Variants in CDH12 observed in about 807,000 individuals in gnomAD.
CDH12 encodes cadherin-12.
In CDH12, 41 loss-of-function variants were observed where a neutral mutation model predicts 74.1. The observed-to-expected ratio is 0.55, with a 90% CI of 0.43 to 0.72. The LOEUF (loss-of-function observed/expected upper bound fraction) is 0.72, where lower values mean the gene tolerates loss of function less well. CDH12 is among the 30% of genes least tolerant of loss of function. The probability of loss-of-function intolerance (pLI) is 0.00; values close to 1 mark genes in which losing one functional copy is unlikely to be tolerated. For synonymous variants in CDH12, 399 were observed against 355.0 expected (o/e 1.12, Z -1.39); for missense variants, 945 against 977.2 (o/e 0.97, Z 0.44).
intron 4 of CDH12, among the ~76,000 whole-genome samples, chr5:22,117,458 T>TTATATATATTA (rs1745193056): frequency 7.9e-5 from 6 of 75,480 alleles, no homozygotes; most frequent in African/African-American, 3.2e-4. Flanking sequence ...AATATATATA[T>TTATATATATTA]TATATATATA....
At chr5:21,988,000 C>T (rs1487756998) in intron 5 of CDH12, among the ~76,000 whole-genome samples, 1 of 151,974 alleles carries the variant, frequency 6.6e-6, no homozygotes, top group Non-Finnish European at 1.5e-5. Context: ...AAAAAAAATA[C>T]ACCATACAGG....
At chr5:22,391,664 T>A (rs1043947617) in intron 3 of CDH12, among the ~76,000 whole-genome samples, 1 of 152,128 alleles carries the variant, frequency 6.6e-6, no homozygotes, top group Non-Finnish European at 1.5e-5. Flanking sequence ...TTTTTTTTTA[T>A]GACTGATAAA....
chr5:21,835,625 T>C (rs1488082548), intron 8 of CDH12, among the ~76,000 whole-genome samples: 1 of 151,850 alleles, frequency 6.6e-6, no homozygotes, highest in Non-Finnish European at 1.5e-5. Flanking sequence ...AGTTTAAGAA[T>C]GCCAAATAGT....
chr5:22,372,679 G>C (rs1334655152), intron 3 of CDH12, among the ~76,000 whole-genome samples: 1 of 152,094 alleles, frequency 6.6e-6, no homozygotes, highest in Non-Finnish European at 1.5e-5. Context: ...GTGGCACCCA[G>C]ACACAGAGAA....
intron 6 of CDH12, chr5:21,889,923 G>T: frequency 1.2e-6 from 1 of 837,582 alleles, no homozygotes; most frequent in Non-Finnish European, 1.4e-6. Flanking sequence ...GACTTTTATT[G>T]CTTACAGAAT....
At chr5:22,202,195 C>T (rs1429575498) in intron 4 of CDH12, among the ~76,000 whole-genome samples, 20 of 121,848 alleles carry the variant, frequency 1.6e-4, no homozygotes, top group African/African-American at 5.8e-4. Flanking sequence ...TCCTTCCTTC[C>T]TTCCTTCTTT....
At chr5:22,725,836 T>C (rs1342864055) in intron 1 of CDH12, among the ~76,000 whole-genome samples, 2 of 151,804 alleles carry the variant, frequency 1.3e-5, no homozygotes, top group African/African-American at 2.4e-5. Context: ...TTGAGGTCCA[T>C]AGAATTTTAT....
intron 2 of CDH12, among the ~76,000 whole-genome samples, chr5:22,489,172 C>T (rs1234479118): frequency 2.0e-5 from 3 of 150,238 alleles, no homozygotes; most frequent in East Asian, 4.0e-4. Context: ...ATTCTCCTGC[C>T]TCAGCCTCCT....
At chr5:22,142,784 C>CT (rs1230092708) in intron 4 of CDH12, 5 of 243,762 alleles carry the variant, frequency 2.1e-5, no homozygotes, top group Admixed American at 5.3e-5. Flanking sequence ...ATCCATTCTT[C>CT]TTTTTTCTTA....
At chr5:22,201,805 T>C (rs1216278444) in intron 4 of CDH12, among the ~76,000 whole-genome samples, 3 of 152,166 alleles carry the variant, frequency 2.0e-5, no homozygotes, top group Non-Finnish European at 2.9e-5. Flanking sequence ...TATATGGCAT[T>C]ATCTTGTGTA....
At chr5:21,918,896 T>C (rs1056484667) in intron 6 of CDH12, among the ~76,000 whole-genome samples, 1 of 152,198 alleles carries the variant, frequency 6.6e-6, no homozygotes, top group African/African-American at 2.4e-5. Flanking sequence ...TTCCTTATTA[T>C]CAATATCTCT....
intron 1 of CDH12, among the ~76,000 whole-genome samples, chr5:22,748,109 G>T (rs1745384935): frequency 6.6e-6 from 1 of 152,074 alleles, no homozygotes; most frequent in African/African-American, 2.4e-5. Flanking sequence ...TATTTGAAAG[G>T]TATATTTAAA....
At chr5:21,830,672 C>T (rs1561221663) in intron 8 of CDH12, among the ~76,000 whole-genome samples, 2 of 152,052 alleles carry the variant, frequency 1.3e-5, no homozygotes, top group African/African-American at 4.8e-5. Flanking sequence ...AATAGCAGAG[C>T]TGTGTTTCCC....
intron 3 of CDH12, among the ~76,000 whole-genome samples, chr5:22,304,408 T>C (rs1202063858): frequency 2.0e-5 from 3 of 152,216 alleles, no homozygotes; most frequent in South Asian, 4.1e-4. Context: ...AATGCCTTTC[T>C]TGCTATGCAC....
intron 6 of CDH12, among the ~76,000 whole-genome samples, chr5:21,900,527 C>G (rs929570169): frequency 6.6e-6 from 1 of 152,078 alleles, no homozygotes; most frequent in East Asian, 1.9e-4. Context: ...TAAAAACAAA[C>G]CATGCCAATT....
At chr5:22,841,995 C>T (rs1417320988) in intron 1 of CDH12, among the ~76,000 whole-genome samples, 1 of 152,074 alleles carries the variant, frequency 6.6e-6, no homozygotes, top group African/African-American at 2.4e-5. Flanking sequence ...TGAAAATATA[C>T]TTAAAATAAC....
At chr5:22,845,163 T>G (rs1737246403) in intron 1 of CDH12, among the ~76,000 whole-genome samples, 1 of 152,150 alleles carries the variant, frequency 6.6e-6, no homozygotes. Flanking sequence ...TTGCAAAAAC[T>G]TGTTTTTTGT....
chr5:21,824,340 C>A (rs758865063), intron 8 of CDH12, among the ~76,000 whole-genome samples: 2 of 152,046 alleles, frequency 1.3e-5, no homozygotes, highest in African/African-American at 4.8e-5. Context: ...CACTTGGGGG[C>A]AGCTCTTGGA....
chr5:21,824,390 T>G (rs576448553), intron 8 of CDH12, among the ~76,000 whole-genome samples: 2 of 152,190 alleles, frequency 1.3e-5, no homozygotes, highest in South Asian at 4.1e-4. Flanking sequence ...TGGCATTGCC[T>G]CTGCTTTGAT....
Sources: allele counts gnomAD v4.1 joint callset (sites outside exome capture counted in the v4.1 genomes callset), GRCh38; gene constraint gnomAD v4.1.1; transcripts MANE v1.5; gene names NCBI Gene and HGNC (gene_info 2026-07-23, HGNC 2026-07-21).